DSCAM: variants seen among roughly 807,000 people sequenced by gnomAD.
DSCAM encodes DS cell adhesion molecule.
DSCAM carries 47 observed loss-of-function variants against 217.7 expected under a neutral mutation model. The observed-to-expected ratio is 0.22, with a 90% confidence interval of 0.17 to 0.28. DSCAM has a LOEUF of 0.28. Among genes scored for constraint, DSCAM ranks in the 10% least tolerant of loss-of-function variants. The pLI is 1.00. For synonymous variants in DSCAM, 1,056 were observed against 1,015.3 expected, an observed-to-expected ratio of 1.04 and a Z score of -0.76; for missense variants, 2,080 against 2,618.3, an observed-to-expected ratio of 0.79 and a Z score of 4.49.
Position 40,628,274 on chromosome 21 carries a change from C to A in DSCAM, c.508+64536G>T, listed in dbSNP as rs762765235. Among the ~76,000 whole-genome samples, 4 of 152,136 alleles carry A rather than the reference C, an allele frequency of 2.6e-5. No individual in the cohort carries two copies. In the East Asian group the frequency reaches 7.7e-4, roughly 29 times the overall value. ...GATCATGAACCCTGGAGCCAACTTG[C>A]CTTTGTGAAAGCCTGGCTCCCCCAC... On this transcript the variant is annotated intron_variant, in intron 3 of 32. Transcript: ENST00000400454.
At chr21:40,225,789 T>C (rs568540478) in intron 11 of DSCAM, among the ~76,000 whole-genome samples, 2 of 152,222 alleles carry the variant, frequency 1.3e-5, no homozygotes, top group Admixed American at 6.5e-5. Flanking sequence ...GAGCCTCGAT[T>C]TGTGTGAACT....
At chr21:40,274,521 G>T (rs2837546) in intron 11 of DSCAM, among the ~76,000 whole-genome samples, 1 of 151,974 alleles carries the variant, frequency 6.6e-6, no homozygotes, top group Non-Finnish European at 1.5e-5. Flanking sequence ...TGCATTTAAA[G>T]TCTATTAAAA....
At chr21:40,050,614 C>T (rs2088915069) in intron 30 of DSCAM, among the ~76,000 whole-genome samples, 1 of 152,078 alleles carries the variant, frequency 6.6e-6, no homozygotes, top group Non-Finnish European at 1.5e-5. Context: ...TTCTGAGTAG[C>T]TGGGACTACA....
intron 10 of DSCAM, among the ~76,000 whole-genome samples, chr21:40,291,128 C>T (rs139611121): frequency 1.4e-3 from 212 of 152,310 alleles, no homozygotes; most frequent in African/African-American, 5.0e-3. Context: ...TGGGGTTCTC[C>T]CCTTTTGTCA....
intron 16 of DSCAM, among the ~76,000 whole-genome samples, chr21:40,145,190 C>T (rs190609273): frequency 5.9e-5 from 9 of 152,126 alleles, no homozygotes; most frequent in African/African-American, 1.4e-4. Flanking sequence ...CAAGAACTCT[C>T]GGGCTCGCTG....
Position 40,078,904 on chromosome 21 carries a change from G to A in DSCAM, c.4494C>T (p.Gly1498=), listed in dbSNP as rs375741969. 1.3e-5 allele frequency: 21 copies of A among 1,614,094 alleles called. No individual in the cohort carries two copies. Among genetic ancestry groups the A allele is most frequent in the Non-Finnish European group, 1.6e-5 (19 of 1,180,052 alleles). The part of the protein sequence containing the change: ...NTTRVRLNLI[G]WNDGGCPITS... ...TGATGGGGCAGCCGCCATCATTCCA[G>A]CCAATGAGGTTCAGCCTCACGCGTG... Residue 1498 remains glycine, a synonymous_variant, in exon 26 of 33, where the codon GGC becomes GGT. Transcript: ENST00000400454.
chr21:40,523,673 C>T (rs908990969), intron 3 of DSCAM, among the ~76,000 whole-genome samples: 1 of 152,166 alleles, frequency 6.6e-6, no homozygotes, highest in Non-Finnish European at 1.5e-5. Context: ...TCTTCTGGTA[C>T]AGCAAAGCAA....
chr21:40,448,436 C>A (rs2075692527), intron 3 of DSCAM, among the ~76,000 whole-genome samples: 1 of 152,142 alleles, frequency 6.6e-6, no homozygotes, highest in Non-Finnish European at 1.5e-5. Flanking sequence ...TTCTCAAGCA[C>A]TGGAACTTGG....
intron 3 of DSCAM, among the ~76,000 whole-genome samples, chr21:40,514,692 C>A (rs1441851742): frequency 2.0e-5 from 3 of 152,144 alleles, no homozygotes; most frequent in Non-Finnish European, 4.4e-5. Context: ...CAAATGGACC[C>A]TGCAGAACAA....
rs1209177768 is a variant in DSCAM, at chr21:40,296,113, G to A, written c.2124C>T (p.Ile708=). The A allele has an allele frequency of 6.8e-6, 11 of 1,613,958 alleles. No homozygotes were observed. The Admixed American group carries it at 1.2e-4, about 17-fold the overall frequency. The change falls in exon 10 of 33, where the codon ATC becomes ATT. Residue 708 remains isoleucine (I), a synonymous_variant. Coordinates refer to ENST00000400454, the MANE Select transcript of DSCAM (RefSeq NM_001389.5). ...GGTAACCCTCAGCAGAACAATTGAG[G>A]ATGACTGCTTTGCCATAAATCCCGT... ...DQDGIYGKAV[I]LNCSAEGYPV...
intron 27 of DSCAM, among the ~76,000 whole-genome samples, chr21:40,064,772 C>G (rs2089181534): frequency 6.6e-6 from 1 of 152,122 alleles, no homozygotes. Flanking sequence ...GAGAAGTTGC[C>G]AGGATGGTGG....
At chr21:40,493,093 G>A (rs2076089149) in intron 3 of DSCAM, among the ~76,000 whole-genome samples, 1 of 152,142 alleles carries the variant, frequency 6.6e-6, no homozygotes, top group African/African-American at 2.4e-5. Context: ...GCAGAATGCT[G>A]AAAGAAAAAA....
At chr21:40,755,775 T>C (rs760018289) in intron 1 of DSCAM, among the ~76,000 whole-genome samples, 1 of 152,190 alleles carries the variant, frequency 6.6e-6, no homozygotes, top group Non-Finnish European at 1.5e-5. Flanking sequence ...AAATGAGATA[T>C]TCATATAGCT....
chr21:40,596,529 A>G (rs765467858), intron 3 of DSCAM, among the ~76,000 whole-genome samples: 4 of 152,222 alleles, frequency 2.6e-5, no homozygotes, highest in African/African-American at 4.8e-5. Context: ...CAAAGAACCA[A>G]AAGTTCTTTC....
chr21:40,480,527 TAGTC>T lies in DSCAM; in HGVS notation c.509-111286_509-111283del, dbSNP rs369748435. The stretch of plus-strand genomic sequence containing the variant: ...CTTCATTTTCTAGAAACTTGAAACA[TAGTC>T]AAGAGGAATTTTTAATGTTTGTAGA... On this transcript the variant is annotated intron_variant, in intron 3 of 32. Coordinates refer to ENST00000400454, the MANE Select transcript of DSCAM (RefSeq NM_001389.5). Among the ~76,000 whole-genome samples the T allele has an allele frequency of 1.9e-4, 29 of 152,302 alleles. 1 individual carries two copies. In the East Asian group the frequency reaches 3.9e-3, roughly 20 times the overall value.
At chr21:40,486,840 G>A (rs946227411) in intron 3 of DSCAM, among the ~76,000 whole-genome samples, 5 of 152,068 alleles carry the variant, frequency 3.3e-5, no homozygotes, top group Admixed American at 3.3e-4. Flanking sequence ...AGCTACCATC[G>A]GAGTTGACAT....
chr21:40,477,331 G>A (rs1159072643), intron 3 of DSCAM, among the ~76,000 whole-genome samples: 1 of 151,990 alleles, frequency 6.6e-6, no homozygotes, highest in Non-Finnish European at 1.5e-5. Flanking sequence ...ATAGGAAAAA[G>A]GAGATACCAT....
chr21:40,246,667 A>G (rs2073230659), intron 11 of DSCAM, among the ~76,000 whole-genome samples: 1 of 152,200 alleles, frequency 6.6e-6, no homozygotes, highest in Non-Finnish European at 1.5e-5. Context: ...ACTGTAAAGA[A>G]CAGTGCTAGA....
chr21:40,269,232 T>C (rs761370082), intron 11 of DSCAM, among the ~76,000 whole-genome samples: 2 of 152,192 alleles, frequency 1.3e-5, no homozygotes, highest in Non-Finnish European at 2.9e-5. Context: ...CCAGACATCA[T>C]GGGGTCAAGA....
Sources: allele counts gnomAD v4.1 joint callset (sites outside exome capture counted in the v4.1 genomes callset), GRCh38; gene constraint gnomAD v4.1.1; transcripts MANE v1.5; gene names NCBI Gene and HGNC (gene_info 2026-07-23, HGNC 2026-07-21).